NUB1: variants seen among roughly 807,000 people sequenced by gnomAD.
NUB1 encodes NEDD8 ultimate buster 1.
Under a neutral mutation model 77.1 loss-of-function variants are expected in NUB1, and 41 were observed. That is an observed-to-expected ratio of 0.53 (90% confidence interval 0.41 to 0.69). The LOEUF (loss-of-function observed/expected upper bound fraction) is 0.69. Among genes scored for constraint, NUB1 ranks in the 30% least tolerant of loss-of-function variants. The pLI is 0.00. For missense variants in NUB1, 643 were observed against 743.8 expected, an observed-to-expected ratio of 0.86 and a Z score of 1.58; for synonymous variants, 257 against 281.0, an observed-to-expected ratio of 0.91 and a Z score of 0.85.
intron 2 of NUB1, among the ~76,000 whole-genome samples, chr7:151,348,115 G>A (rs1398398007): frequency 6.6e-6 from 1 of 152,144 alleles, no homozygotes; most frequent in East Asian, 1.9e-4. Flanking sequence ...ATCTCCAGAT[G>A]CTGAATTTTG....
chr7:151,353,886 T>C (rs1796938564), intron 5 of NUB1, among the ~76,000 whole-genome samples: 1 of 152,184 alleles, frequency 6.6e-6, no homozygotes, highest in African/African-American at 2.4e-5. Flanking sequence ...AATTTCCCAT[T>C]GTCTATTTTA....
At chr7:151,365,439 G>A (rs1307845687) in intron 8 of NUB1, among the ~76,000 whole-genome samples, 1 of 151,902 alleles carries the variant, frequency 6.6e-6, no homozygotes, top group Non-Finnish European at 1.5e-5. Context: ...TTGATGCTTA[G>A]TAAAACATGA....
intron 10 of NUB1, 120 bp downstream of exon 10, chr7:151,368,088 AC>A (rs1797778306): frequency 1.6e-6 from 1 of 624,264 alleles, no homozygotes; most frequent in Non-Finnish European, 2.8e-6. Context: ...TTCTCCGTGC[AC>A]AGGAGATGTT....
intron 1 of NUB1, among the ~76,000 whole-genome samples, chr7:151,345,126 A>G (rs1245194416): frequency 2.0e-5 from 3 of 152,014 alleles, no homozygotes; most frequent in Non-Finnish European, 4.4e-5. Context: ...CATATTAGCA[A>G]CTTTGAAATA....
At chr7:151,347,045 T>C (rs1274255843) in intron 2 of NUB1, among the ~76,000 whole-genome samples, 1 of 152,132 alleles carries the variant, frequency 6.6e-6, no homozygotes, top group East Asian at 1.9e-4. Context: ...AATTGGCTGG[T>C]GACAGGAGGA....
intron 3 of NUB1, 106 bp downstream of exon 3, chr7:151,349,346 T>A: frequency 1.1e-6 from 1 of 937,132 alleles, no homozygotes; most frequent in Non-Finnish European, 1.6e-6. Context: ...AGAATTCTTT[T>A]AAGTGACTTT....
At chr7:151,345,209 A>G (rs777239428) in intron 1 of NUB1, 139 bp from the exon 2 acceptor site, 3 of 552,464 alleles carry the variant, frequency 5.4e-6, no homozygotes, top group Non-Finnish European at 9.8e-6. Context: ...TCTGGAGCTC[A>G]TTTAAACCAT....
intron 14 of NUB1, 38 bp downstream of exon 14, chr7:151,376,849 A>G (rs1281381144): frequency 3.2e-6 from 5 of 1,540,960 alleles, no homozygotes; most frequent in Non-Finnish European, 4.4e-6. Context: ...TTGAGAGCAA[A>G]GTGTCTTCAG....
rs189150984 is a variant in NUB1 at position 151,356,944 on chromosome 7, C to T, written c.693+722C>T. On this transcript the variant is annotated intron_variant, in intron 7 of 14. Transcript: ENST00000568733. ...GTTGGTCAGGCTAGTCTTGAACTCC[C>T]GACCTCAGGTGATTTGCCCACCTTG... Among the ~76,000 whole-genome samples, 432 of 152,006 alleles carry T rather than the reference C, an allele frequency of 2.8e-3. 1 individual carries two copies. Among genetic ancestry groups the T allele is most frequent in the South Asian group, 7.7e-3 (37 of 4,816 alleles).
chr7:151,353,270 T>C (rs1322551576), intron 5 of NUB1, among the ~76,000 whole-genome samples: 1 of 151,876 alleles, frequency 6.6e-6, no homozygotes, highest in Non-Finnish European at 1.5e-5. Context: ...AGCACTATGG[T>C]GTGAATTTGA....
intron 2 of NUB1, 112 bp from the exon 3 acceptor site, chr7:151,348,961 G>T (rs562907036): frequency 3.4e-6 from 3 of 890,196 alleles, no homozygotes; most frequent in Non-Finnish European, 5.3e-6. Context: ...GCAGTGTAAC[G>T]GGGCGACCTC....
At chr7:151,374,760 G>C (rs1027276343) in intron 12 of NUB1, 1 of 170,294 alleles carries the variant, frequency 5.9e-6, no homozygotes, top group African/African-American at 2.4e-5. Flanking sequence ...CCCTGTGTTG[G>C]AGAAGCATAT....
At chr7:151,351,108 A>C in intron 3 of NUB1, 19 of 294,962 alleles carry the variant, frequency 6.4e-5, no homozygotes, top group Non-Finnish European at 6.4e-5. Flanking sequence ...AGGGGAGGGA[A>C]TGGGGTGCAG....
intron 12 of NUB1, among the ~76,000 whole-genome samples, chr7:151,375,582 A>G (rs552899266): frequency 1.1e-4 from 17 of 152,316 alleles, no homozygotes; most frequent in African/African-American, 4.1e-4. Context: ...GTTTTCTTGG[A>G]TGCTGCTTCC....
intron 2 of NUB1, among the ~76,000 whole-genome samples, chr7:151,347,405 C>T (rs970944439): frequency 2.0e-5 from 2 of 100,918 alleles, no homozygotes; most frequent in South Asian, 6.5e-4. Flanking sequence ...GTAGTGAGAC[C>T]CCGTCTCTAA....
At chr7:151,363,665 G>GA (rs549306742) in intron 8 of NUB1, among the ~76,000 whole-genome samples, 1 of 151,900 alleles carries the variant, frequency 6.6e-6, no homozygotes, top group African/African-American at 2.4e-5. Context: ...AGAAATATCA[G>GA]AAAAAAACTA....
Position 151,355,862 on chromosome 7 carries a change from G to A in NUB1, c.510G>A (p.Gln170=). Residue 170 remains glutamine, a synonymous_variant, in exon 6 of 15, where the codon CAG becomes CAA. Transcript: ENST00000568733. Reference sequence around the variant, plus strand: ...AAGAGGACGCGAGGAAAAACTTCCAGTTAGAGGAAGAGGAGCAAAATGAGG... The same window carrying A: ...AAGAGGACGCGAGGAAAAACTTCCAATTAGAGGAAGAGGAGCAAAATGAGG... ...QSEEDARKNF[Q]LEEEEQNEAK... 1 of 1,613,590 alleles carries A rather than the reference G, an allele frequency of 6.2e-7. No individual in the cohort carries two copies. The highest frequency in any genetic ancestry group is 8.5e-7 in the Non-Finnish European group (1 of 1,179,724).
chr7:151,374,060 C>T, intron 11 of NUB1, 37 bp from the exon 12 acceptor site: 2 of 1,531,554 alleles, frequency 1.3e-6, no homozygotes, highest in South Asian at 1.2e-5. Flanking sequence ...AAATCTCAGT[C>T]CCTAACTTGG....
intron 8 of NUB1, among the ~76,000 whole-genome samples, chr7:151,363,850 T>G (rs1325270453): frequency 6.6e-6 from 1 of 151,988 alleles, no homozygotes; most frequent in Non-Finnish European, 1.5e-5. Context: ...CAATCTTAGT[T>G]TACTGCAATC....
Sources: gnomAD v4.1 joint callset for allele counts (sites outside exome capture counted in the v4.1 genomes callset) on GRCh38, gnomAD v4.1.1 for gene constraint, MANE v1.5 for transcripts, NCBI Gene and HGNC (gene_info 2026-07-23, HGNC 2026-07-21) for gene names.